The following SLC44A5 variants were observed in gnomAD, a reference collection of about 807,000 sequenced individuals.
The protein encoded by SLC44A5 is solute carrier family 44 member 5.
Under a neutral mutation model 101.8 loss-of-function variants are expected in SLC44A5, and 57 were observed. That is an observed-to-expected ratio of 0.56 (90% confidence interval 0.45 to 0.70). The LOEUF (loss-of-function observed/expected upper bound fraction) is 0.70, where lower values mean the gene tolerates loss of function less well. SLC44A5 is among the 30% of genes least tolerant of loss of function. The pLI, the probability that SLC44A5 is intolerant of heterozygous loss-of-function variation, is 0.00. For synonymous variants in SLC44A5, 281 were observed against 290.9 expected (o/e 0.97, Z 0.35); for missense variants, 737 against 853.1 (o/e 0.86, Z 1.70).
intron 2 of SLC44A5, among the ~76,000 whole-genome samples, chr1:75,450,436 A>G (rs941426169): frequency 6.6e-6 from 1 of 152,222 alleles, no homozygotes; most frequent in Non-Finnish European, 1.5e-5. Context: ...CAGCATTGCC[A>G]TGTAGGCACT....
At chr1:75,611,960 T>C (rs1675675405), upstream of SLC44A5, among the ~76,000 whole-genome samples, 2 of 152,086 alleles carry the variant, frequency 1.3e-5, no homozygotes, top group African/African-American at 4.8e-5. Flanking sequence ...TACAATATGT[T>C]TTTCCTAAGA....
chr1:75,463,479 G>A (rs1473339964), intron 2 of SLC44A5, among the ~76,000 whole-genome samples: 2 of 146,710 alleles, frequency 1.4e-5, no homozygotes, highest in Non-Finnish European at 3.0e-5. Context: ...AACAAATAAC[G>A]TACAATGGAG....
At chr1:75,357,257 C>T (rs535323228) in intron 3 of SLC44A5, 3 of 455,280 alleles carry the variant, frequency 6.6e-6, no homozygotes, top group Admixed American at 2.4e-5. Context: ...TCCTGTATAT[C>T]GTCACTAAAA....
chr1:75,480,871 A>G (rs936802939), intron 2 of SLC44A5, among the ~76,000 whole-genome samples: 4 of 152,226 alleles, frequency 2.6e-5, no homozygotes, highest in Non-Finnish European at 5.9e-5. Context: ...TCAAGCTACC[A>G]ATGACTTTCT....
At chr1:75,641,964 T>A in the SLC44A5 span, 1 of 1,597,200 alleles carries the variant, frequency 6.3e-7, no homozygotes, top group Non-Finnish European at 8.6e-7. Flanking sequence ...ACAATCTGCC[T>A]TTCTGGTGGA....
intron 1 of SLC44A5, among the ~76,000 whole-genome samples, chr1:75,591,304 G>A (rs547170810): frequency 2.6e-5 from 4 of 151,962 alleles, no homozygotes; most frequent in East Asian, 1.9e-4. Flanking sequence ...TAAAACAATA[G>A]GAAAACAAAT....
intron 1 of SLC44A5, among the ~76,000 whole-genome samples, chr1:75,581,565 A>C (rs1673698808): frequency 6.6e-6 from 1 of 152,264 alleles, no homozygotes; most frequent in Admixed American, 6.5e-5. Context: ...AAAATAATGT[A>C]TATGGAATAA....
intron 2 of SLC44A5, among the ~76,000 whole-genome samples, chr1:75,442,488 G>T (rs10747387): frequency 0.24 from 35,913 of 151,896 alleles, 5,358 homozygotes; most frequent in East Asian, 0.8. Context: ...ATCCTGTTGT[G>T]TTACTTTAGT....
At chr1:75,640,240 A>G in the SLC44A5 span, among the ~76,000 whole-genome samples, 6,260 of 152,016 alleles carry the variant, frequency 0.041, 184 homozygotes, top group Middle Eastern at 0.1. Context: ...CTTCTCTTAC[A>G]TGTCTACAGT....
At chr1:75,226,629 A>C (rs924083924) in intron 13 of SLC44A5, among the ~76,000 whole-genome samples, 1 of 152,086 alleles carries the variant, frequency 6.6e-6, no homozygotes, top group African/African-American at 2.4e-5. Flanking sequence ...ATGCCCCACC[A>C]AGATATTGCT....
At chr1:75,679,118 G>A in the SLC44A5 span, among the ~76,000 whole-genome samples, 3 of 152,294 alleles carry the variant, frequency 2.0e-5, no homozygotes, top group South Asian at 6.2e-4. Context: ...TATGTGAAAA[G>A]ACCAAATCTA....
chr1:75,508,476 A>C (rs574768483), intron 2 of SLC44A5, among the ~76,000 whole-genome samples: 1 of 152,294 alleles, frequency 6.6e-6, no homozygotes, highest in East Asian at 1.9e-4. Context: ...CCCCAATGCT[A>C]GCAGAAGAAA....
the SLC44A5 span, among the ~76,000 whole-genome samples, chr1:75,630,984 ACT>A: frequency 6.6e-6 from 1 of 152,344 alleles, no homozygotes; most frequent in South Asian, 2.1e-4. Context: ...CTGTGCCAGC[ACT>A]GAGGCAATTT....
At chr1:75,386,035 A>T (rs1471856861) in intron 3 of SLC44A5, among the ~76,000 whole-genome samples, 1 of 152,172 alleles carries the variant, frequency 6.6e-6, no homozygotes, top group Admixed American at 6.5e-5. Flanking sequence ...CTCTCAATAA[A>T]TTAGGCATTG....
At position 75,462,866 on chromosome 1, in the gene SLC44A5, A is replaced by T. The variant is rs568538852; in HGVS notation, c.14-66245T>A. The stretch of plus-strand genomic sequence containing the variant: ...AGACAAAAGAAAACAGAATTTTTTT[A>T]AAAAAATGAAGCACACCTGCGATAT... On this transcript the variant is annotated intron_variant, in intron 2 of 23. Transcript: ENST00000370859. Among the ~76,000 whole-genome samples the T allele has an allele frequency of 4.4e-4, 67 of 152,150 alleles. 1 individual carries two copies. The highest frequency in any genetic ancestry group is 1.1e-3 in the African/African-American group (47 of 41,518).
chr1:75,417,788 G>A (rs1211532143), intron 2 of SLC44A5, among the ~76,000 whole-genome samples: 3 of 152,206 alleles, frequency 2.0e-5, no homozygotes, highest in Non-Finnish European at 4.4e-5. Flanking sequence ...GAGCCAAAGA[G>A]CCAAGGCTAA....
chr1:75,479,484 C>T (rs1667676813), intron 2 of SLC44A5, among the ~76,000 whole-genome samples: 1 of 151,934 alleles, frequency 6.6e-6, no homozygotes, highest in Non-Finnish European at 1.5e-5. Context: ...AAAGGATCAA[C>T]AAAATTGATA....
intron 1 of SLC44A5, among the ~76,000 whole-genome samples, chr1:75,571,429 C>G (rs1361987621): frequency 2.6e-5 from 4 of 152,004 alleles, no homozygotes; most frequent in Admixed American, 6.6e-5. Context: ...ACAGACATCC[C>G]CTGACTTTCA....
chr1:75,402,469 C>A, intron 2 of SLC44A5: 1 of 391,692 alleles, frequency 2.6e-6, no homozygotes, highest in South Asian at 1.8e-5. Flanking sequence ...GTGATTTCTG[C>A]ATTTTGAACT....
Sources: gnomAD v4.1 joint callset for allele counts (sites outside exome capture counted in the v4.1 genomes callset) on GRCh38, gnomAD v4.1.1 for gene constraint, MANE v1.5 for transcripts, NCBI Gene and HGNC (gene_info 2026-07-23, HGNC 2026-07-21) for gene names.